TNKS: variants seen among roughly 807,000 people sequenced by gnomAD.
The protein encoded by TNKS is tankyrase.
A neutral mutation model predicts 135.8 loss-of-function variants in TNKS; 72 were observed. That is an observed-to-expected ratio of 0.53 (90% CI 0.44 to 0.64). TNKS has a LOEUF of 0.64. Ranked by LOEUF, TNKS falls within the 30% of genes least tolerant of loss-of-function variation. The probability of loss-of-function intolerance (pLI) is 0.00; values close to 1 mark genes in which losing one functional copy is unlikely to be tolerated. For synonymous variants in TNKS, 849 were observed against 649.3 expected, an observed-to-expected ratio of 1.31 and a Z score of -4.68; for missense variants, 1,769 against 1,674.0, an observed-to-expected ratio of 1.06 and a Z score of -0.99.
chr8:9,693,029 T>C (rs1055807806), intron 5 of TNKS, among the ~76,000 whole-genome samples: 1 of 152,350 alleles, frequency 6.6e-6, no homozygotes, highest in African/African-American at 2.4e-5. Context: ...CTGTGCCTGA[T>C]AGAAATTTAA....
chr8:9,703,586 A>G (rs1803920611), intron 5 of TNKS, among the ~76,000 whole-genome samples: 1 of 152,208 alleles, frequency 6.6e-6, no homozygotes. Context: ...TGCTCAAAAT[A>G]TTTTCTAAAC....
rs558930549 is a variant in TNKS, at chr8:9,730,458, G to A, written c.2002-432G>A. Among the ~76,000 whole-genome samples the A allele has an allele frequency of 9.9e-5, 15 of 152,150 alleles. No homozygotes were observed. The South Asian group carries it at 2.7e-3, about 27-fold the overall frequency. On this transcript the variant is annotated intron_variant, in intron 13 of 26. Coordinates refer to ENST00000310430, the MANE Select transcript of TNKS (RefSeq NM_003747.3). The stretch of plus-strand genomic sequence containing the variant: ...ATAATTCTCCAGACCCTTTTTGCTT[G>A]CTTGACTCACATTAGAGACGGCAAG...
At chr8:9,571,391 CTG>C (rs1470313561) in intron 1 of TNKS, among the ~76,000 whole-genome samples, 1 of 151,996 alleles carries the variant, frequency 6.6e-6, no homozygotes, top group Non-Finnish European at 1.5e-5. Flanking sequence ...TTTGGATATA[CTG>C]TGTTTGTTTT....
intron 2 of TNKS, among the ~76,000 whole-genome samples, chr8:9,606,445 T>C (rs1799224374): frequency 6.6e-6 from 1 of 152,134 alleles, no homozygotes; most frequent in Admixed American, 6.5e-5. Context: ...CTTATTCTAG[T>C]ACTGCACTGT....
chr8:9,720,435 T>C lies in TNKS; in HGVS notation c.1811T>C (p.Leu604Pro). 1 of 1,614,108 alleles carries C rather than the reference T, an allele frequency of 6.2e-7. No individual in the cohort carries two copies. Among genetic ancestry groups the C allele is most frequent in the Admixed American group, 1.7e-5 (1 of 60,028 alleles). ...CATAGAGCCGCCCTAGCAGGTCACC[T>C]GCAGACCTGCCGCCTCCTGCTGAGT... ...ALHRAALAGHLQTCRLLLSYG... is the reference protein window; with the variant it reads ...ALHRAALAGHPQTCRLLLSYG... The change falls in exon 12 of 27, where the codon CTG (leucine) becomes CCG (proline). Residue 604 changes from leucine to proline, a missense_variant. Leu to Pro is a moderately conservative substitution (Grantham distance 98, BLOSUM62 -3). Around this residue, in one of 5 missense-constraint regions of TNKS, gnomAD observed 523 missense variants for 541.0 expected, o/e 0.97. Coordinates refer to ENST00000310430, the MANE Select transcript of TNKS (RefSeq NM_003747.3).
At chr8:9,558,260 G>C (rs998099056) in intron 1 of TNKS, 1 of 152,126 alleles carries the variant, frequency 6.6e-6, no homozygotes, top group Non-Finnish European at 1.5e-5. Flanking sequence ...AACACTTAAA[G>C]GAAATCATTG....
chr8:9,735,934 G>C (rs958604769), intron 17 of TNKS, among the ~76,000 whole-genome samples: 1 of 151,934 alleles, frequency 6.6e-6, no homozygotes, highest in Admixed American at 6.6e-5. Context: ...TTAATCTTTT[G>C]TTCAGAGTTT....
At chr8:9,724,353 TA>T (rs1377979071) in intron 12 of TNKS, among the ~76,000 whole-genome samples, 2 of 152,054 alleles carry the variant, frequency 1.3e-5, no homozygotes, top group East Asian at 3.9e-4. Context: ...CTCAGGAGGC[TA>T]AGACAAGAGG....
chr8:9,702,949 G>A (rs867208839), intron 5 of TNKS, among the ~76,000 whole-genome samples: 1 of 152,180 alleles, frequency 6.6e-6, no homozygotes, highest in Non-Finnish European at 1.5e-5. Context: ...CCGGGAGGCG[G>A]AGGTGGCAGT....
intron 3 of TNKS, among the ~76,000 whole-genome samples, chr8:9,622,335 G>A (rs1407723317): frequency 3.9e-5 from 6 of 152,152 alleles, no homozygotes; most frequent in Non-Finnish European, 8.8e-5. Context: ...AAACAACTTA[G>A]CGTTACATAA....
At chr8:9,717,101 A>ATATATATATATATATATTTTTTTT (rs1454492300) in intron 11 of TNKS, among the ~76,000 whole-genome samples, 1 of 119,336 alleles carries the variant, frequency 8.4e-6, no homozygotes, top group African/African-American at 2.9e-5. Flanking sequence ...ATATATATAT[A>ATATATATATATATATATTTTTTTT]TTTTCAGGGA....
intron 2 of TNKS, among the ~76,000 whole-genome samples, chr8:9,583,996 C>G (rs1190032840): frequency 6.6e-6 from 1 of 151,296 alleles, no homozygotes. Flanking sequence ...AACACCGTCT[C>G]TACTAAAAAT....
intron 3 of TNKS, among the ~76,000 whole-genome samples, chr8:9,629,681 T>C (rs1277374220): frequency 1.3e-5 from 2 of 152,216 alleles, no homozygotes; most frequent in East Asian, 1.9e-4. Context: ...TGGTTTTGTT[T>C]GTTTGCTTGT....
At chr8:9,587,539 G>A (rs1373995098) in intron 2 of TNKS, among the ~76,000 whole-genome samples, 1 of 151,886 alleles carries the variant, frequency 6.6e-6, no homozygotes, top group Non-Finnish European at 1.5e-5. Context: ...AGCTGGGACT[G>A]CAGGCTCTGC....
intron 26 of TNKS, among the ~76,000 whole-genome samples, chr8:9,774,175 C>A (rs1808099745): frequency 6.6e-6 from 1 of 152,142 alleles, no homozygotes; most frequent in Admixed American, 6.5e-5. Context: ...CTTTAAACTT[C>A]ACATTAGACA....
At chr8:9,568,167 A>C (rs1797620642) in intron 1 of TNKS, among the ~76,000 whole-genome samples, 1 of 152,216 alleles carries the variant, frequency 6.6e-6, no homozygotes, top group African/African-American at 2.4e-5. Flanking sequence ...TGAAGTGTTT[A>C]TGGAAATTCA....
intron 1 of TNKS, among the ~76,000 whole-genome samples, chr8:9,574,189 A>T (rs1411452945): frequency 3.3e-5 from 5 of 152,156 alleles, no homozygotes; most frequent in African/African-American, 1.2e-4. Flanking sequence ...TTTTCTCATG[A>T]ACTGTTTGGG....
At chr8:9,593,228 G>C (rs191967414) in intron 2 of TNKS, among the ~76,000 whole-genome samples, 1 of 152,280 alleles carries the variant, frequency 6.6e-6, no homozygotes, top group African/African-American at 2.4e-5. Context: ...AAAGGACTTA[G>C]CCAAGCAGTG....
At chr8:9,744,147 G>T (rs1295015251) in intron 17 of TNKS, among the ~76,000 whole-genome samples, 1 of 152,100 alleles carries the variant, frequency 6.6e-6, no homozygotes, top group African/African-American at 2.4e-5. Context: ...ATTACAAGTT[G>T]CATGAGAGTT....
Sources: allele counts gnomAD v4.1 joint callset (sites outside exome capture counted in the v4.1 genomes callset), GRCh38; gene constraint gnomAD v4.1.1; regional missense constraint gnomAD v4.1.1; transcripts MANE v1.5; gene names NCBI Gene and HGNC (gene_info 2026-07-23, HGNC 2026-07-21).